The following AASS variants were observed in gnomAD, a reference collection of about 807,000 sequenced individuals.
AASS encodes aminoadipate-semialdehyde synthase, also known as alpha-aminoadipic semialdehyde synthase, mitochondrial.
Under a neutral mutation model 105.4 loss-of-function variants are expected in AASS, and 86 were observed. The observed-to-expected ratio is 0.82, with a 90% confidence interval of 0.69 to 0.98. AASS has a LOEUF of 0.98. Ranked by LOEUF, AASS falls within the 50% of genes least tolerant of loss-of-function variation. The pLI, the probability that AASS is intolerant of heterozygous loss-of-function variation, is 0.00. For synonymous variants in AASS, 381 were observed against 394.8 expected (o/e 0.96, Z 0.41); for missense variants, 1,048 against 1,143.2 (o/e 0.92, Z 1.20).
chr7:122,111,641 C>T (rs908868204), intron 11 of AASS, among the ~76,000 whole-genome samples: 4 of 152,110 alleles, frequency 2.6e-5, no homozygotes, highest in Admixed American at 2.0e-4. Flanking sequence ...CGGTGGCTCA[C>T]GCCTGTAATA....
intron 2 of AASS, among the ~76,000 whole-genome samples, chr7:122,132,962 G>A (rs977023316): frequency 6.6e-6 from 1 of 152,098 alleles, no homozygotes; most frequent in African/African-American, 2.4e-5. Flanking sequence ...TATATAAGAT[G>A]ATATTATGAA....
At chr7:122,113,059 T>C in intron 11 of AASS, 59 bp downstream of exon 11, 1 of 1,344,142 alleles carries the variant, frequency 7.4e-7, no homozygotes. Flanking sequence ...ATTCACAGAA[T>C]TACTCAATTA....
At position 122,092,915 on chromosome 7, in the gene AASS, C is replaced by T; in HGVS notation, c.1803G>A (p.Leu601=). The change falls in exon 17 of 24, where the codon TTG becomes TTA. Residue 601 remains leucine, a synonymous_variant. Coordinates refer to ENST00000417368, the MANE Select transcript of AASS (RefSeq NM_005763.4). ...TGTGATCCAGACCAGGGTCCAATCC[C>T]AATTCACCAATGATTGTGATGCCAG... is the stretch of plus-strand genomic sequence containing the variant. ...EDAGITIIGE[L]GLDPGLDHML... 1 of 1,613,894 alleles carries T rather than the reference C, an allele frequency of 6.2e-7. No individual in the cohort carries two copies. The highest frequency in any genetic ancestry group is 8.5e-7 in the Non-Finnish European group (1 of 1,179,898).
intron 17 of AASS, 125 bp downstream of exon 17, chr7:122,092,718 C>G: frequency 2.5e-6 from 2 of 800,046 alleles, no homozygotes; most frequent in Non-Finnish European, 2.1e-6. Context: ...GAGCAAAACT[C>G]AGTCTCAAAA....
At chr7:122,117,816 T>G (rs930604672) in intron 6 of AASS, among the ~76,000 whole-genome samples, 14 of 152,028 alleles carry the variant, frequency 9.2e-5, no homozygotes, top group African/African-American at 3.1e-4. Context: ...TCACCATGCC[T>G]GGCTAATTTT....
Position 122,118,612 on chromosome 7 carries a change from T to C in AASS, c.491A>G (p.His164Arg), listed in dbSNP as rs753322770. ...AGVAGMINILHGMGLRLLALG... is the reference protein window; with the variant it reads ...AGVAGMINILRGMGLRLLALG... ...AGCAAGGAGCCTTAAACCCATTCCA[T>C]GTAAAATGTTGATCATTCCTGTTAC... The change falls in exon 5 of 24, where the codon CAT becomes CGT. Residue 164 changes from histidine (H) to arginine (R), a missense_variant. By Grantham distance (29) the His-to-Arg change is conservative (BLOSUM62 0). Coordinates refer to ENST00000417368, the MANE Select transcript of AASS (RefSeq NM_005763.4). 2 of 1,613,906 alleles carry C rather than the reference T, an allele frequency of 1.2e-6. No homozygotes were observed. The highest frequency in any genetic ancestry group is 2.2e-5 in the South Asian group (2 of 91,072).
chr7:122,109,271 G>T (rs1216678474), intron 11 of AASS, among the ~76,000 whole-genome samples: 1 of 118,048 alleles, frequency 8.5e-6, no homozygotes, highest in Admixed American at 8.1e-5. Context: ...AAAAAAAAAT[G>T]ATAATCTTCA....
At chr7:122,135,431 G>T (rs1584902783) in intron 1 of AASS, among the ~76,000 whole-genome samples, 1 of 151,932 alleles carries the variant, frequency 6.6e-6, no homozygotes, top group South Asian at 2.1e-4. Context: ...CTCTTCCTGG[G>T]TTTTCTCTCC....
At chr7:122,077,593 A>ATT in intron 23 of AASS, among the ~76,000 whole-genome samples, 1 of 152,196 alleles carries the variant, frequency 6.6e-6, no homozygotes, top group Non-Finnish European at 1.5e-5. Flanking sequence ...GTGCTGAGTA[A>ATT]CTTGCAGCCC....
intron 1 of AASS, among the ~76,000 whole-genome samples, chr7:122,136,532 G>C (rs1370038212): frequency 6.6e-6 from 1 of 152,070 alleles, no homozygotes; most frequent in Non-Finnish European, 1.5e-5. Flanking sequence ...TTTTAAAATA[G>C]ATTGCATTAA....
chr7:122,091,687 G>A lies in AASS; in HGVS notation c.2016+16C>T. On this transcript the variant is annotated intron_variant, in intron 18 of 23. Coordinates refer to ENST00000417368, the MANE Select transcript of AASS (RefSeq NM_005763.4). The stretch of plus-strand genomic sequence containing the variant: ...ATTGCAGGTTGATATCACTATGCTT[G>A]GATAAGATTCCTCACCTTTCCATCG... 2 of 1,613,264 alleles carry A rather than the reference G, an allele frequency of 1.2e-6. 1 individual carries two copies.
chr7:122,126,737 C>T (rs761254457), intron 3 of AASS, among the ~76,000 whole-genome samples: 13 of 152,060 alleles, frequency 8.5e-5, no homozygotes, highest in Non-Finnish European at 1.5e-4. Context: ...TTTCCTTTAC[C>T]TTTCTGCCCC....
At position 122,076,015 on chromosome 7, in the gene AASS, T is replaced by C. The variant is rs1319777132; in HGVS notation, c.*474A>G. 6.4e-6 allele frequency: 1 copy of C among 156,064 alleles called. No individual in the cohort carries two copies. 9.7% of individuals were successfully genotyped at this position (156,064 alleles called of 1,614,324 possible). A position where few individuals can be genotyped will look rare whatever the true frequency, so the allele number is the denominator to read the frequency against. On this transcript the variant is annotated 3_prime_UTR_variant, in exon 24 of 24. Coordinates refer to ENST00000417368, the MANE Select transcript of AASS (RefSeq NM_005763.4). The stretch of plus-strand genomic sequence containing the variant: ...GTGAAACCCCGTCTCTACTGAAAAA[T>C]ACAAAAAATTTAGCCGGGCGTGGTG...
chr7:122,078,388 C>T (rs1365719571), intron 22 of AASS, among the ~76,000 whole-genome samples: 7 of 151,218 alleles, frequency 4.6e-5, no homozygotes, highest in African/African-American at 1.5e-4. Context: ...CTAAGGTGGG[C>T]GGATCACGAG....
Position 122,133,542 on chromosome 7 carries a change from G to C in AASS, c.185C>G (p.Ser62Trp), listed in dbSNP as rs1431496936. Reference protein sequence around the residue: ...NLGYKVLIQPSNRRAIHDKDY... With the variant: ...NLGYKVLIQPWNRRAIHDKDY... Reference sequence around the variant, plus strand: ...CTTATCATGAATGGCCCGCCGATTCGAAGGCTGTATCAAGACCTTGTATCC... The same window carrying C: ...CTTATCATGAATGGCCCGCCGATTCCAAGGCTGTATCAAGACCTTGTATCC... The change falls in exon 2 of 24, where the codon TCG (serine) becomes TGG (tryptophan). Residue 62 changes from serine (S) to tryptophan (W), a missense_variant. Ser to Trp is a radical substitution (Grantham distance 177). Coordinates refer to ENST00000417368, the MANE Select transcript of AASS (RefSeq NM_005763.4). 1 of 1,614,074 alleles carries C rather than the reference G, an allele frequency of 6.2e-7. No homozygotes were observed. The highest frequency in any genetic ancestry group is 8.5e-7 in the Non-Finnish European group (1 of 1,180,024).
chr7:122,116,739 G>A lies in AASS; in HGVS notation c.788C>T (p.Thr263Met), dbSNP rs746536178. ...AAGATGATGATGACGACTTAACACC[G>A]TCCCATACACTTTTCTGAGGTCTTG... is the stretch of plus-strand genomic sequence containing the variant. The part of the protein sequence containing the change: ...QTGDLRKVYG[T>M]VLSRHHHLVR... Residue 263 changes from threonine to methionine, a missense_variant, in exon 8 of 24, where the codon ACG becomes ATG. Coordinates refer to ENST00000417368, the MANE Select transcript of AASS (RefSeq NM_005763.4). The A allele has an allele frequency of 1.9e-5, 30 of 1,614,034 alleles. No individual in the cohort carries two copies. Among genetic ancestry groups the A allele is most frequent in the East Asian group, 6.7e-5 (3 of 44,872 alleles).
rs544495768 is a variant in AASS at position 122,093,109 on chromosome 7, T to C, written c.1705A>G (p.Asn569Asp). ...CTTGCAGTGACCATGTTAACTTTGT[T>C]TGTGATGCAGGCCTTGGCCACAAGA... ...HPLVAKACIT[N>D]KVNMVTASYI... is the part of the protein sequence containing the mutation. Residue 569 changes from asparagine (N) to aspartate (D), a missense_variant, in exon 16 of 24, where the codon AAC becomes GAC. Transcript: ENST00000417368. The C allele has an allele frequency of 6.2e-7, 1 of 1,614,002 alleles. No individual in the cohort carries two copies. Among genetic ancestry groups the C allele is most frequent in the Admixed American group, 1.7e-5 (1 of 59,992 alleles).
In AASS at chr7:122,092,872, T is replaced by A. The variant is rs763158501; in HGVS notation, c.1846A>T (p.Ile616Leu). 1.9e-6 allele frequency: 3 copies of A among 1,613,940 alleles called. No individual in the cohort carries two copies. The highest frequency in any genetic ancestry group is 2.5e-6 in the Non-Finnish European group (3 of 1,179,888). Reference protein sequence around the residue: ...GLDHMLAMETIDKAKEVGATI... With the variant: ...GLDHMLAMETLDKAKEVGATI... ...GCTCCCACTTCCTTGGCTTTATCTATTGTTTCCATTGCTAACATGTGATCC... is the reference window on the plus strand; with the variant it reads ...GCTCCCACTTCCTTGGCTTTATCTAATGTTTCCATTGCTAACATGTGATCC... The change falls in exon 17 of 24, where the codon ATA becomes TTA. Residue 616 changes from isoleucine (I) to leucine (L), a missense_variant. Physicochemically the swap from Ile to Leu is conservative, Grantham distance 5. Transcript: ENST00000417368.
At chr7:122,128,292 C>T (rs1453896677) in intron 3 of AASS, among the ~76,000 whole-genome samples, 2 of 152,166 alleles carry the variant, frequency 1.3e-5, no homozygotes, top group Non-Finnish European at 2.9e-5. Context: ...CCATTGTTGA[C>T]ACAAGAGACA....
Sources: gnomAD v4.1 joint callset for allele counts (sites outside exome capture counted in the v4.1 genomes callset) on GRCh38, gnomAD v4.1.1 for gene constraint, MANE v1.5 for transcripts, NCBI Gene and HGNC (gene_info 2026-07-23, HGNC 2026-07-21) for gene names.